APBB2: variants seen among roughly 807,000 people sequenced by gnomAD.
APBB2 encodes amyloid beta precursor protein binding family B member 2, also known as Fe65-like 1.
In APBB2, 38 loss-of-function variants were observed where a neutral mutation model predicts 82.5. The observed-to-expected ratio is 0.46, with a 90% CI of 0.36 to 0.60. The LOEUF is 0.60. Among genes scored for constraint, APBB2 ranks in the 20% least tolerant of loss-of-function variants. The pLI is 0.00. For missense variants in APBB2, 772 were observed against 972.3 expected (o/e 0.79, Z 2.74); for synonymous variants, 341 against 368.2 (o/e 0.93, Z 0.85).
intron 3 of APBB2, among the ~76,000 whole-genome samples, chr4:41,067,706 G>A (rs998495327): frequency 2.6e-5 from 4 of 152,136 alleles, no homozygotes; most frequent in Non-Finnish European, 5.9e-5. Context: ...GAGGTACCAC[G>A]GGATAGAAAG....
At chr4:40,974,120 G>A (rs887366615) in intron 6 of APBB2, among the ~76,000 whole-genome samples, 5 of 151,958 alleles carry the variant, frequency 3.3e-5, no homozygotes, top group Admixed American at 1.3e-4. Context: ...CAAAAGTGCT[G>A]GGATTACAGG....
chr4:40,834,290 AT>A (rs1465791879), intron 12 of APBB2, among the ~76,000 whole-genome samples: 1 of 152,090 alleles, frequency 6.6e-6, no homozygotes, highest in East Asian at 1.9e-4. Flanking sequence ...AGGTCAAGAG[AT>A]TTGTGCATTT....
intron 10 of APBB2, among the ~76,000 whole-genome samples, chr4:40,930,797 G>C (rs998117321): frequency 4.0e-5 from 6 of 151,770 alleles, no homozygotes; most frequent in African/African-American, 1.5e-4. Context: ...GCCCAGGCTG[G>C]AGTGCAGTGG....
chr4:40,843,128 T>C (rs528957235), intron 12 of APBB2, among the ~76,000 whole-genome samples: 5 of 152,280 alleles, frequency 3.3e-5, no homozygotes, highest in Non-Finnish European at 5.9e-5. Flanking sequence ...CTTTCTGGCA[T>C]TGTCACAGCC....
intron 6 of APBB2, among the ~76,000 whole-genome samples, chr4:40,966,500 C>A (rs1014138533): frequency 2.6e-5 from 4 of 152,192 alleles, no homozygotes; most frequent in African/African-American, 9.7e-5. Context: ...AGCCACCCAG[C>A]TGCTAATGTG....
chr4:41,027,003 A>AC (rs1184010645), intron 5 of APBB2, among the ~76,000 whole-genome samples: 1 of 152,078 alleles, frequency 6.6e-6, no homozygotes, highest in Non-Finnish European at 1.5e-5. Context: ...AGATGGGGGA[A>AC]CCCTCATTCA....
At chr4:41,082,121 GT>G in intron 3 of APBB2, among the ~76,000 whole-genome samples, 1 of 152,288 alleles carries the variant, frequency 6.6e-6, no homozygotes, top group Non-Finnish European at 1.5e-5. Flanking sequence ...TTAAAAGGAA[GT>G]TATGGATAGG....
At chr4:40,954,075 T>C (rs1790938774) in intron 6 of APBB2, among the ~76,000 whole-genome samples, 1 of 152,198 alleles carries the variant, frequency 6.6e-6, no homozygotes, top group Non-Finnish European at 1.5e-5. Flanking sequence ...GCCTGGCTTC[T>C]GAACAAGGAC....
intron 12 of APBB2, among the ~76,000 whole-genome samples, chr4:40,831,021 C>T (rs1751689968): frequency 6.6e-6 from 1 of 152,190 alleles, no homozygotes; most frequent in Non-Finnish European, 1.5e-5. Context: ...ACTGCTTGAG[C>T]CCAGGAGTTT....
intron 4 of APBB2, among the ~76,000 whole-genome samples, chr4:41,045,222 C>T (rs1560602686): frequency 1.3e-5 from 2 of 151,810 alleles, no homozygotes. Flanking sequence ...GCTCTTTCAT[C>T]TCCTGTATAA....
intron 1 of APBB2, among the ~76,000 whole-genome samples, chr4:41,181,864 T>C (rs987086935): frequency 1.3e-5 from 2 of 149,310 alleles, no homozygotes; most frequent in African/African-American, 4.9e-5. Flanking sequence ...AAGAATCGCT[T>C]GAACCTGGGA....
intron 10 of APBB2, among the ~76,000 whole-genome samples, chr4:40,897,296 G>A (rs1358084390): frequency 6.6e-6 from 1 of 152,146 alleles, no homozygotes; most frequent in African/African-American, 2.4e-5. Context: ...TTCAGGCCAG[G>A]AGTTCGAGAC....
intron 2 of APBB2, among the ~76,000 whole-genome samples, chr4:41,117,677 G>C (rs1751497770): frequency 6.6e-6 from 1 of 152,122 alleles, no homozygotes; most frequent in Admixed American, 6.5e-5. Context: ...TTGGTGGATG[G>C]TAGGGCCAGG....
At chr4:41,160,576 G>A (rs1004001267) in intron 1 of APBB2, among the ~76,000 whole-genome samples, 1 of 152,132 alleles carries the variant, frequency 6.6e-6, no homozygotes, top group African/African-American at 2.4e-5. Context: ...ATCCCTCAGC[G>A]ACTCAATCCA....
chr4:41,204,724 G>C (rs1657128406), intron 1 of APBB2, among the ~76,000 whole-genome samples: 2 of 152,350 alleles, frequency 1.3e-5, no homozygotes, highest in South Asian at 4.1e-4. Flanking sequence ...ATCTGGAACA[G>C]TGCCCAGCAC....
chr4:40,834,213 C>T (rs1246707160), intron 12 of APBB2, among the ~76,000 whole-genome samples: 3 of 152,038 alleles, frequency 2.0e-5, no homozygotes, highest in Non-Finnish European at 4.4e-5. Context: ...TGGGTGAGTC[C>T]GGTAACTAAC....
intron 12 of APBB2, among the ~76,000 whole-genome samples, chr4:40,863,370 A>G (rs992118104): frequency 3.9e-5 from 6 of 152,288 alleles, no homozygotes; most frequent in African/African-American, 1.2e-4. Context: ...TCAAACTTCA[A>G]TGTGCAAATG....
chr4:40,880,063 A>T (rs1216060496), intron 12 of APBB2: 1 of 985,300 alleles, frequency 1.0e-6, no homozygotes, highest in Non-Finnish European at 1.2e-6. Flanking sequence ...GATGGCACTT[A>T]TGACCCTTGC....
intron 10 of APBB2, 109 bp from the exon 11 acceptor site, chr4:40,893,520 T>C: frequency 9.9e-7 from 1 of 1,012,144 alleles, no homozygotes. Context: ...AATGCACCTT[T>C]ATTTGCTTCA....
Sources: gnomAD v4.1 joint callset for allele counts (sites outside exome capture counted in the v4.1 genomes callset) on GRCh38, gnomAD v4.1.1 for gene constraint, MANE v1.5 for transcripts, NCBI Gene and HGNC (gene_info 2026-07-23, HGNC 2026-07-21) for gene names.